VPS37A: variants seen among roughly 807,000 people sequenced by gnomAD.
VPS37A encodes VPS37A subunit of ESCRT-I, also known as vacuolar protein sorting-associated protein 37A.
VPS37A carries 30 observed loss-of-function variants against 49.8 expected under a neutral mutation model. The observed-to-expected ratio is 0.60, with a 90% confidence interval of 0.45 to 0.82. The LOEUF is 0.82. Ranked by LOEUF, VPS37A falls within the 40% of genes least tolerant of loss-of-function variation. The pLI is 0.00. For synonymous variants in VPS37A, 195 were observed against 160.6 expected (o/e 1.21, Z -1.62); for missense variants, 593 against 464.4 (o/e 1.28, Z -2.55).
Position 17,279,128 on chromosome 8 carries a change from C to T in VPS37A, c.714-900C>T, listed in dbSNP as rs182655608. On this transcript the variant is annotated intron_variant, in intron 6 of 11. Transcript: ENST00000324849. The stretch of plus-strand genomic sequence containing the variant: ...ACTGTGACAGCCACACATCTGTAAG[C>T]TAAATAGTCACAGAGGTTAAAACGG... 4.0e-3 allele frequency among the ~76,000 whole-genome samples: 613 copies of T among 152,210 alleles called. 5 individuals are homozygous for T. The highest frequency in any genetic ancestry group is 0.014 in the African/African-American group (588 of 41,540).
chr8:17,255,492 ATGTG>A (rs138387332), intron 1 of VPS37A, among the ~76,000 whole-genome samples: 4 of 150,874 alleles, frequency 2.7e-5, no homozygotes, highest in African/African-American at 9.8e-5. Flanking sequence ...AAATATATAT[ATGTG>A]TGTGTGTGTG....
At chr8:17,299,517 G>A (rs190150652), downstream of VPS37A, 144 of 203,834 alleles carry the variant, frequency 7.1e-4, no homozygotes, top group African/African-American at 3.1e-3. Flanking sequence ...GTGAGGGAAA[G>A]GAGTGGAGGC....
chr8:17,248,441 A>G (rs933496001), intron 1 of VPS37A: 3 of 450,884 alleles, frequency 6.7e-6, no homozygotes, highest in Non-Finnish European at 1.3e-5. Flanking sequence ...TGCGCGGCTA[A>G]TATTTTGTAT....
At chr8:17,265,688 C>G in intron 1 of VPS37A, 1 of 1,275,720 alleles carries the variant, frequency 7.8e-7, no homozygotes, top group Non-Finnish European at 1.1e-6. Context: ...ATCATCATCC[C>G]CCTTCCCCTG....
At chr8:17,251,981 C>G (rs1056011897) in intron 1 of VPS37A, among the ~76,000 whole-genome samples, 1 of 152,152 alleles carries the variant, frequency 6.6e-6, no homozygotes, top group Non-Finnish European at 1.5e-5. Context: ...AAATTCCATG[C>G]TCTTGTTTCT....
chr8:17,277,226 C>T (rs970182820), intron 6 of VPS37A, among the ~76,000 whole-genome samples: 4 of 151,876 alleles, frequency 2.6e-5, no homozygotes, highest in Admixed American at 2.6e-4. Context: ...GTTTTATAGT[C>T]ATTTTAAGGA....
intron 6 of VPS37A, among the ~76,000 whole-genome samples, chr8:17,278,631 T>C (rs1814749042): frequency 1.3e-5 from 2 of 152,104 alleles, no homozygotes; most frequent in African/African-American, 4.8e-5. Context: ...TGAAGGGTGC[T>C]TGTTCTTTTC....
the VPS37A span, among the ~76,000 whole-genome samples, chr8:17,315,327 C>G: frequency 6.6e-6 from 1 of 152,004 alleles, no homozygotes; most frequent in Non-Finnish European, 1.5e-5. Context: ...CAGCGGCTGC[C>G]AGGGGTTAGG....
At chr8:17,327,071 C>A in the VPS37A span, among the ~76,000 whole-genome samples, 1 of 152,198 alleles carries the variant, frequency 6.6e-6, no homozygotes, top group Admixed American at 6.5e-5. Flanking sequence ...AATTTTACGA[C>A]CTGAATTTTT....
At chr8:17,303,734 C>T (rs989199480), downstream of VPS37A, among the ~76,000 whole-genome samples, 1 of 152,046 alleles carries the variant, frequency 6.6e-6, no homozygotes, top group Non-Finnish European at 1.5e-5. Context: ...CTCAGCCTCC[C>T]GAGTAGCTAG....
At chr8:17,303,564 T>C (rs756703444), downstream of VPS37A, among the ~76,000 whole-genome samples, 6 of 151,808 alleles carry the variant, frequency 4.0e-5, no homozygotes, top group Non-Finnish European at 8.8e-5. Flanking sequence ...CTAGTAGAAC[T>C]TGTAGGATGC....
At chr8:17,300,375 G>T (rs144540473), downstream of VPS37A, 3 of 796,332 alleles carry the variant, frequency 3.8e-6, no homozygotes, top group Non-Finnish European at 5.8e-6. Flanking sequence ...TGGACTTCAC[G>T]ACCTTGGACA....
At chr8:17,275,601 C>T (rs2150392947) in intron 5 of VPS37A, among the ~76,000 whole-genome samples, 1 of 152,220 alleles carries the variant, frequency 6.6e-6, no homozygotes, top group South Asian at 2.1e-4. Flanking sequence ...CTGAGGGCTT[C>T]AAGTGTTCCG....
At chr8:17,279,922 A>G in intron 6 of VPS37A, 106 bp from the exon 7 acceptor site, 2 of 1,452,716 alleles carry the variant, frequency 1.4e-6, no homozygotes, top group Non-Finnish European at 1.9e-6. Flanking sequence ...TGTAAAAATT[A>G]TTTAGAACCC....
At chr8:17,302,402 C>T (rs1817177043), downstream of VPS37A, 2 of 1,115,448 alleles carry the variant, frequency 1.8e-6, no homozygotes, top group Non-Finnish European at 1.2e-6. Flanking sequence ...AAATTTCAGC[C>T]TCAAAAAAGC....
In VPS37A at chr8:17,271,523, G is replaced by T. The variant is rs543753625; in HGVS notation, c.416+2567G>T. Among the ~76,000 whole-genome samples the T allele has an allele frequency of 3.9e-5, 6 of 152,108 alleles. No individual in the cohort carries two copies. The South Asian group carries it at 1.0e-3, about 26-fold the overall frequency. ...CGGAAGGCTGAGGCAGGAGAATGGCGTGAACCCGGGAGGAAGAGCTTGCAG... is the reference window on the plus strand; with the variant it reads ...CGGAAGGCTGAGGCAGGAGAATGGCTTGAACCCGGGAGGAAGAGCTTGCAG... On this transcript the variant is annotated intron_variant, in intron 4 of 11. Transcript: ENST00000324849.
chr8:17,301,453 C>A (rs548626665), downstream of VPS37A, among the ~76,000 whole-genome samples: 1 of 152,142 alleles, frequency 6.6e-6, no homozygotes, highest in South Asian at 2.1e-4. Flanking sequence ...GTAGGAAGGT[C>A]TAAATTGTAT....
At chr8:17,275,095 A>C in intron 5 of VPS37A, 137 bp downstream of exon 5, 1 of 778,980 alleles carries the variant, frequency 1.3e-6, no homozygotes, top group Non-Finnish European at 2.0e-6. Flanking sequence ...TTTTCAATTC[A>C]AGTAACAGGT....
the VPS37A span, among the ~76,000 whole-genome samples, chr8:17,319,214 G>A: frequency 3.2e-4 from 49 of 152,258 alleles, no homozygotes; most frequent in African/African-American, 1.1e-3. Context: ...ATGGTAACCT[G>A]GGCTAGTTAC....
Sources: gnomAD v4.1 joint callset for allele counts (sites outside exome capture counted in the v4.1 genomes callset) on GRCh38, gnomAD v4.1.1 for gene constraint, MANE v1.5 for transcripts, NCBI Gene and HGNC (gene_info 2026-07-23, HGNC 2026-07-21) for gene names.